The following DIP2C variants were observed in gnomAD, a reference collection of about 807,000 sequenced individuals.
DIP2C encodes disco-interacting protein 2 homolog C.
In DIP2C, 33 loss-of-function variants were observed where a neutral mutation model predicts 192.4. The ratio of observed to expected loss-of-function variants is 0.17; its 90% CI spans 0.13 to 0.23. The LOEUF is 0.23. DIP2C is among the 10% of genes least tolerant of loss of function. The pLI is 1.00. For synonymous variants in DIP2C, 979 were observed against 864.1 expected, an observed-to-expected ratio of 1.13 and a Z score of -2.33; for missense variants, 1,537 against 2,110.1, an observed-to-expected ratio of 0.73 and a Z score of 5.32.
chr10:493,798 C>T (rs1200431151), intron 1 of DIP2C, among the ~76,000 whole-genome samples: 1 of 152,246 alleles, frequency 6.6e-6, no homozygotes, highest in Non-Finnish European at 1.5e-5. Context: ...CATTTAAACA[C>T]TCCACAAGCA....
chr10:277,636 G>A lies in DIP2C; in HGVS notation c.4419-59C>T, dbSNP rs927800830. On this transcript the variant is annotated intron_variant, in intron 36 of 36. Transcript: ENST00000280886. The stretch of plus-strand genomic sequence containing the variant: ...TTTATTAATGCTTTATTTAATAGCC[G>A]TGGTTTCAAAGTTCCACTTGGCTCT... 1.2e-5 allele frequency: 19 copies of A among 1,584,444 alleles called. No homozygotes were observed. In the Middle Eastern group the frequency reaches 6.8e-4, roughly 57 times the overall value.
chr10:573,153 T>C (rs917985598), intron 1 of DIP2C, among the ~76,000 whole-genome samples: 107 of 152,294 alleles, frequency 7.0e-4, no homozygotes, highest in African/African-American at 2.4e-3. Context: ...TAATGCAGCA[T>C]GTCACCTCAA....
Position 666,612 on chromosome 10 carries a change from GGCC to G in DIP2C, c.85+22879_85+22881del. ...GTCGGCCCGTGGCCTGTCTGCCCGT[GGCC>G]TGTCTGCCCGTGGCCTGTCTGCCCG... On this transcript the variant is annotated intron_variant, in intron 1 of 36. Coordinates refer to ENST00000280886, the MANE Select transcript of DIP2C (RefSeq NM_014974.3). This position sits in a 1 kb window ranked among gnomAD's most constrained non-coding sequence, Gnocchi z 4.1. 1.2e-4 allele frequency: 1 copy of G among 8,064 alleles called. No individual in the cohort carries two copies. The highest frequency in any genetic ancestry group is 0.5 in the Middle Eastern group (1 of 2). The allele number at this position is 8,064 out of a possible 1,614,324, so 0.5% of individuals were successfully genotyped here.
chr10:634,381 G>A (rs1564289841), intron 1 of DIP2C, among the ~76,000 whole-genome samples: 2 of 152,170 alleles, frequency 1.3e-5, no homozygotes, highest in Non-Finnish European at 2.9e-5. Context: ...AGATCCACTC[G>A]TAATGACCAT....
At chr10:282,003 TG>T (rs1285816239) in intron 35 of DIP2C, 3 of 151,976 alleles carry the variant, frequency 2.0e-5, no homozygotes, top group Non-Finnish European at 4.4e-5. Flanking sequence ...AAGGCATGAT[TG>T]ACATATAAAA....
chr10:592,516 AAAG>A (rs1160177376), intron 1 of DIP2C, among the ~76,000 whole-genome samples: 2 of 152,200 alleles, frequency 1.3e-5, no homozygotes, highest in African/African-American at 4.8e-5. Context: ...CAACTAGCAT[AAAG>A]AAAATATTTT....
chr10:538,079 C>T (rs532462197), intron 1 of DIP2C, among the ~76,000 whole-genome samples: 15 of 152,094 alleles, frequency 9.9e-5, no homozygotes, highest in South Asian at 6.2e-4. Context: ...CACGAGCCAC[C>T]GTGCCTGGCT....
At chr10:528,830 G>A (rs927398774) in intron 1 of DIP2C, among the ~76,000 whole-genome samples, 3 of 152,164 alleles carry the variant, frequency 2.0e-5, no homozygotes, top group Non-Finnish European at 4.4e-5. Flanking sequence ...ACCATCCTCC[G>A]TGGGGCTGGC....
chr10:506,978 G>A (rs888780859), intron 1 of DIP2C, among the ~76,000 whole-genome samples: 14 of 152,164 alleles, frequency 9.2e-5, no homozygotes, highest in African/African-American at 3.4e-4. Context: ...AAGACGAGAG[G>A]CGTGTGGTCA....
At chr10:295,560 C>CAAAAAAAAAA (rs551060445) in intron 32 of DIP2C, among the ~76,000 whole-genome samples, 1 of 53,626 alleles carries the variant, frequency 1.9e-5, no homozygotes, top group African/African-American at 8.3e-5. Flanking sequence ...GACTCCATCT[C>CAAAAAAAAAA]AAAAAAAAAA....
intron 1 of DIP2C, among the ~76,000 whole-genome samples, chr10:509,019 G>A (rs753377776): frequency 6.6e-6 from 1 of 152,152 alleles, no homozygotes; most frequent in Non-Finnish European, 1.5e-5. Context: ...GTCCTCGCTA[G>A]AACACTGACT....
intron 17 of DIP2C, among the ~76,000 whole-genome samples, chr10:379,185 C>A (rs1962063974): frequency 5.6e-5 from 1 of 17,832 alleles, no homozygotes; most frequent in Non-Finnish European, 1.3e-4. Context: ...CCGAGTGCCA[C>A]GCCCCCCCCC....
In DIP2C at chr10:375,195, C is replaced by T. The variant is rs148718815; in HGVS notation, c.1992-5562G>A. 7.5e-3 allele frequency among the ~76,000 whole-genome samples: 1,150 copies of T among 152,334 alleles called. 14 individuals carry two copies. Among genetic ancestry groups the T allele is most frequent in the African/African-American group, 0.026 (1,077 of 41,564 alleles). On this transcript the variant is annotated intron_variant, in intron 17 of 36. Coordinates refer to ENST00000280886, the MANE Select transcript of DIP2C (RefSeq NM_014974.3). The stretch of plus-strand genomic sequence containing the variant: ...CCAACAATGCAGGTGGGCCTGTTCT[C>T]GCAGTAACACGAGAGTTCTCACTTT...
At chr10:561,560 G>C (rs1304581117) in intron 1 of DIP2C, among the ~76,000 whole-genome samples, 1 of 152,154 alleles carries the variant, frequency 6.6e-6, no homozygotes, top group African/African-American at 2.4e-5. Context: ...ACCACAATGG[G>C]AACAGTCGGA....
intron 24 of DIP2C, among the ~76,000 whole-genome samples, chr10:354,694 G>A (rs938157373): frequency 6.6e-6 from 1 of 152,032 alleles, no homozygotes; most frequent in Non-Finnish European, 1.5e-5. Context: ...AGCTTGCGGA[G>A]GGGTAGCCAC....
chr10:575,779 G>A (rs2131551304), intron 1 of DIP2C, among the ~76,000 whole-genome samples: 1 of 152,342 alleles, frequency 6.6e-6, no homozygotes, highest in South Asian at 2.1e-4. Context: ...GCCAGAGCCA[G>A]GGGCACAGTT....
At chr10:546,323 TCATTA>T (rs1258420497) in intron 1 of DIP2C, among the ~76,000 whole-genome samples, 4 of 149,624 alleles carry the variant, frequency 2.7e-5, no homozygotes, top group African/African-American at 9.8e-5. Flanking sequence ...AATAATAAAG[TCATTA>T]CATGTTAATA....
At chr10:341,823 G>A (rs914860273) in intron 28 of DIP2C, among the ~76,000 whole-genome samples, 2 of 152,158 alleles carry the variant, frequency 1.3e-5, no homozygotes, top group African/African-American at 4.8e-5. Flanking sequence ...CGGCTGCAGT[G>A]AGCTATGATT....
chr10:517,932 C>T (rs1199434423), intron 1 of DIP2C, among the ~76,000 whole-genome samples: 3 of 152,202 alleles, frequency 2.0e-5, no homozygotes, highest in Non-Finnish European at 4.4e-5. Context: ...AGTATTTTGA[C>T]TTGAGCCAAA....
Sources: gnomAD v4.1 joint callset for allele counts (sites outside exome capture counted in the v4.1 genomes callset) on GRCh38, gnomAD v4.1.1 for gene constraint, Gnocchi (gnomAD v3.1) non-coding constraint, MANE v1.5 for transcripts, NCBI Gene and HGNC (gene_info 2026-07-23, HGNC 2026-07-21) for gene names.